The following PPFIBP2 variants were observed in gnomAD, a reference collection of about 807,000 sequenced individuals.
PPFIBP2 encodes PPFIB scaffold protein 2.
PPFIBP2 carries 118 observed loss-of-function variants against 118.3 expected under a neutral mutation model. The observed-to-expected ratio is 1.00, with a 90% CI of 0.86 to 1.16. The LOEUF is 1.16. Ranked by LOEUF, PPFIBP2 falls within the 50% of genes most tolerant of loss-of-function variation. The probability of loss-of-function intolerance (pLI) is 0.00; values close to 1 mark genes in which losing one functional copy is unlikely to be tolerated. For missense variants in PPFIBP2, 1,195 were observed against 1,073.1 expected (o/e 1.11, Z -1.59); for synonymous variants, 414 against 397.4 (o/e 1.04, Z -0.50).
At chr11:7,633,055 C>T (rs1590715257) in intron 12 of PPFIBP2, 121 bp downstream of exon 12, 1 of 856,432 alleles carries the variant, frequency 1.2e-6, no homozygotes, top group African/African-American at 1.7e-5. Flanking sequence ...GTGCACCTGC[C>T]CCTCTGTTGT....
chr11:7,656,871 C>A, downstream of PPFIBP2: 1 of 1,112,864 alleles, frequency 9.0e-7, no homozygotes, highest in Non-Finnish European at 1.2e-6. Flanking sequence ...GGGGAGCGGG[C>A]ACACAGCCCC....
At chr11:7,651,983 TGTG>T in intron 23 of PPFIBP2, 139 bp downstream of exon 23, 1 of 839,554 alleles carries the variant, frequency 1.2e-6, no homozygotes, top group South Asian at 2.2e-5. Context: ...GCTGTGGGCT[TGTG>T]GTCTGTGAGG....
At chr11:7,639,996 A>G in intron 15 of PPFIBP2, 126 bp downstream of exon 15, 3 of 1,358,200 alleles carry the variant, frequency 2.2e-6, no homozygotes, top group Non-Finnish European at 2.9e-6. Context: ...GGTGGCTGGA[A>G]CAAGTTGTAC....
At chr11:7,522,872 GA>G (rs1056410420) in intron 1 of PPFIBP2, among the ~76,000 whole-genome samples, 1 of 152,134 alleles carries the variant, frequency 6.6e-6, no homozygotes, top group Non-Finnish European at 1.5e-5. Flanking sequence ...TTTCTTCTGG[GA>G]ATGTAACCAC....
chr11:7,541,106 G>A (rs1851731510), intron 1 of PPFIBP2, among the ~76,000 whole-genome samples: 1 of 152,212 alleles, frequency 6.6e-6, no homozygotes, highest in South Asian at 2.1e-4. Context: ...CCTGGTGCAG[G>A]GCTGTGTTTG....
At chr11:7,557,057 C>G (rs1853716150) in intron 2 of PPFIBP2, among the ~76,000 whole-genome samples, 1 of 152,156 alleles carries the variant, frequency 6.6e-6, no homozygotes, top group South Asian at 2.1e-4. Context: ...TCTGGAATTC[C>G]TGAAGAATTG....
chr11:7,649,321 C>A, intron 20 of PPFIBP2, 86 bp downstream of exon 20: 1 of 1,349,708 alleles, frequency 7.4e-7, no homozygotes, highest in Non-Finnish European at 1.0e-6. Context: ...AAACTTGATT[C>A]CATATATTCT....
At chr11:7,572,802 G>T (rs528576933) in intron 3 of PPFIBP2, among the ~76,000 whole-genome samples, 1 of 152,104 alleles carries the variant, frequency 6.6e-6, no homozygotes, top group Non-Finnish European at 1.5e-5. Context: ...TTTTTGAGAC[G>T]GAGTTTTACT....
In PPFIBP2 at chr11:7,651,822, T is replaced by C. The variant is rs1313038315; in HGVS notation, c.2414T>C (p.Leu805Pro). Residue 805 changes from leucine (L) to proline (P), a missense_variant, in exon 23 of 24, where the codon CTG becomes CCG. Transcript: ENST00000299492. Reference protein sequence around the residue: ...EKMASPAYTPLTTTAKVRPRK... With the variant: ...EKMASPAYTPPTTTAKVRPRK... Reference sequence around the variant, plus strand: ...ATGGCCTCACCAGCTTACACACCACTGACCACCACAGCCAAAGTCCGGGTG... The same window carrying C: ...ATGGCCTCACCAGCTTACACACCACCGACCACCACAGCCAAAGTCCGGGTG... The C allele has an allele frequency of 6.2e-7, 1 of 1,611,866 alleles. No individual in the cohort carries two copies. Among genetic ancestry groups the C allele is most frequent in the East Asian group, 2.2e-5 (1 of 44,818 alleles).
chr11:7,597,303 A>C, intron 4 of PPFIBP2: 1 of 1,535,468 alleles, frequency 6.5e-7, no homozygotes, highest in Non-Finnish European at 8.7e-7. Context: ...TGGGTGTTTT[A>C]CTCTTGAGTC....
At chr11:7,526,832 G>A (rs953992529) in intron 1 of PPFIBP2, among the ~76,000 whole-genome samples, 1 of 152,106 alleles carries the variant, frequency 6.6e-6, no homozygotes, top group Non-Finnish European at 1.5e-5. Flanking sequence ...ATGTCTTTGT[G>A]GGCTGAAAAT....
At chr11:7,660,888 G>A (rs1259546458), downstream of PPFIBP2, among the ~76,000 whole-genome samples, 1 of 151,884 alleles carries the variant, frequency 6.6e-6, no homozygotes, top group Non-Finnish European at 1.5e-5. Flanking sequence ...GAGTGTATGT[G>A]TCGAGGAATT....
the PPFIBP2 span, chr11:7,665,225 A>C: frequency 1.6e-6 from 1 of 642,150 alleles, no homozygotes; most frequent in Non-Finnish European, 2.5e-6. Context: ...CCTTTTTGTT[A>C]GGCCCACACC....
At chr11:7,531,543 G>A (rs1195314552) in intron 1 of PPFIBP2, among the ~76,000 whole-genome samples, 1 of 152,224 alleles carries the variant, frequency 6.6e-6, no homozygotes, top group East Asian at 1.9e-4. Flanking sequence ...GTCTGAGGAT[G>A]TGAAGAAAGT....
chr11:7,519,543 G>A (rs1849548419), intron 1 of PPFIBP2, among the ~76,000 whole-genome samples: 2 of 152,136 alleles, frequency 1.3e-5, no homozygotes, highest in Admixed American at 6.5e-5. Context: ...AAGAAAAGGC[G>A]CTTAGGGCGG....
intron 1 of PPFIBP2, among the ~76,000 whole-genome samples, chr11:7,531,815 A>C (rs1850715575): frequency 1.3e-5 from 2 of 151,772 alleles, no homozygotes; most frequent in Admixed American, 1.3e-4. Flanking sequence ...CCTCTCCTTG[A>C]CTTTTATTTA....
At chr11:7,665,393 T>C in the PPFIBP2 span, 2 of 1,587,152 alleles carry the variant, frequency 1.3e-6, no homozygotes, top group Non-Finnish European at 1.7e-6. Flanking sequence ...GAAAATCATG[T>C]CCTGGGTATA....
At chr11:7,527,656 G>C (rs190308448) in intron 1 of PPFIBP2, among the ~76,000 whole-genome samples, 1 of 152,120 alleles carries the variant, frequency 6.6e-6, no homozygotes, top group African/African-American at 2.4e-5. Context: ...AAGATGTTGG[G>C]GGGGCCTGGC....
At chr11:7,578,056 C>T (rs1219407693) in intron 3 of PPFIBP2, among the ~76,000 whole-genome samples, 1 of 152,160 alleles carries the variant, frequency 6.6e-6, no homozygotes, top group Non-Finnish European at 1.5e-5. Context: ...TGATGTTATC[C>T]GGTGGAGCAC....
Sources: gnomAD v4.1 joint callset for allele counts (sites outside exome capture counted in the v4.1 genomes callset) on GRCh38, gnomAD v4.1.1 for gene constraint, MANE v1.5 for transcripts, NCBI Gene and HGNC (gene_info 2026-07-23, HGNC 2026-07-21) for gene names.